The following TSHZ3 variants were observed in gnomAD, a reference collection of about 807,000 sequenced individuals.
The protein encoded by TSHZ3 is teashirt zinc finger homeobox 3.
Under a neutral mutation model 64.5 loss-of-function variants are expected in TSHZ3, and 10 were observed. That is an observed-to-expected ratio of 0.16 (90% CI 0.10 to 0.26). The LOEUF (loss-of-function observed/expected upper bound fraction) is 0.26. TSHZ3 is among the 10% of genes least tolerant of loss of function. TSHZ3 has a pLI of 1.00. For missense variants in TSHZ3, 1,242 were observed against 1,421.7 expected (o/e 0.87, Z 2.03); for synonymous variants, 608 against 593.1 (o/e 1.03, Z -0.36).
chr19:31,279,012 A>C lies in TSHZ3; in HGVS notation c.781T>G (p.Ser261Ala). Reference protein sequence around the residue: ...PKRWSKPRKRSLLEMEGKEDA... With the variant: ...PKRWSKPRKRALLEMEGKEDA... ...TCCTTCCCTTCCATTTCCAGCAAGG[A>C]GCGTTTGCGAGGCTTGGACCAGCGC... Residue 261 changes from serine to alanine, a missense_variant, in exon 2 of 2, where the codon TCC (serine) becomes GCC (alanine). Coordinates refer to ENST00000240587, the MANE Select transcript of TSHZ3 (RefSeq NM_020856.4). This position sits in a 1 kb window ranked among gnomAD's most constrained non-coding sequence, Gnocchi z 6.4. 1 of 1,613,764 alleles carries C rather than the reference A, an allele frequency of 6.2e-7. No individual in the cohort carries two copies. The highest frequency in any genetic ancestry group is 8.5e-7 in the Non-Finnish European group (1 of 1,179,790).
At chr19:31,249,310 C>CTT (rs1975802387) in intron 1 of TSHZ3, among the ~76,000 whole-genome samples, 1 of 152,306 alleles carries the variant, frequency 6.6e-6, no homozygotes, top group African/African-American at 2.4e-5. Flanking sequence ...CCACCCAACG[C>CTT]TTGAAACGCA....
intron 5 of TSHZ3, among the ~76,000 whole-genome samples, chr19:31,163,305 T>G (rs2903611): frequency 0.78 from 118,137 of 152,138 alleles, 46,675 homozygotes; most frequent in African/African-American, 0.94. Flanking sequence ...TAACACTAAG[T>G]CTGGAAAGAT....
intron 1 of TSHZ3, among the ~76,000 whole-genome samples, chr19:31,307,709 T>G (rs929347131): frequency 5.1e-4 from 78 of 152,242 alleles, no homozygotes; most frequent in African/African-American, 1.8e-3. Flanking sequence ...GCACTGACGC[T>G]TGGCTGATTT....
chr19:31,326,340 CT>C (rs1358789834), intron 1 of TSHZ3, among the ~76,000 whole-genome samples: 8 of 152,190 alleles, frequency 5.3e-5, no homozygotes, highest in African/African-American at 1.9e-4. Flanking sequence ...CTTTGATTCT[CT>C]TGAATATTGC....
rs750772153 is a variant in TSHZ3 at position 31,278,499 on chromosome 19, G to A, written c.1294C>T (p.Pro432Ser). ...TCATCCAGCAGGGTTGTGATGGTAG[G>A]TGTGACAGGCGTCTCCACAATGGGC... is the stretch of plus-strand genomic sequence containing the variant. ...GKPIVETPVT[P>S]TITTLLDEKV... The change falls in exon 2 of 2, where the codon CCT becomes TCT. Residue 432 changes from proline to serine, a missense_variant. Coordinates refer to ENST00000240587, the MANE Select transcript of TSHZ3 (RefSeq NM_020856.4). This position sits in a 1 kb window ranked among gnomAD's most constrained non-coding sequence, Gnocchi z 4.7. The A allele has an allele frequency of 6.8e-6, 11 of 1,614,024 alleles. No individual in the cohort carries two copies. Among genetic ancestry groups the A allele is most frequent in the Non-Finnish European group, 9.3e-6 (11 of 1,180,046 alleles).
At chr19:31,310,920 T>C (rs1341294158) in intron 1 of TSHZ3, among the ~76,000 whole-genome samples, 1 of 152,210 alleles carries the variant, frequency 6.6e-6, no homozygotes, top group African/African-American at 2.4e-5. Flanking sequence ...ATTCCTGCAG[T>C]GACAAGGCCA....
intron 3 of TSHZ3, among the ~76,000 whole-genome samples, chr19:31,236,137 C>T (rs1046874526): frequency 6.6e-6 from 1 of 152,134 alleles, no homozygotes; most frequent in South Asian, 2.1e-4. Context: ...GGATCTATAT[C>T]CAGAAGTGAG....
At chr19:31,204,718 C>T (rs1011273057) in intron 5 of TSHZ3, 1 of 152,276 alleles carries the variant, frequency 6.6e-6, no homozygotes, top group African/African-American at 2.4e-5. Flanking sequence ...ATGTTTCCGT[C>T]CTGAGTTGTC....
chr19:31,247,989 C>T (rs1332670890), intron 1 of TSHZ3, among the ~76,000 whole-genome samples: 2 of 152,110 alleles, frequency 1.3e-5, no homozygotes, highest in African/African-American at 4.8e-5. Flanking sequence ...CTGGGGAGGC[C>T]TCACAATCAT....
chr19:31,325,153 GCT>G (rs940606124), intron 1 of TSHZ3, among the ~76,000 whole-genome samples: 1 of 152,180 alleles, frequency 6.6e-6, no homozygotes, highest in Non-Finnish European at 1.5e-5. Flanking sequence ...TGGCCGTTGG[GCT>G]CTCTGAGCGA....
intron 3 of TSHZ3, among the ~76,000 whole-genome samples, chr19:31,237,273 T>C (rs562477011): frequency 6.6e-6 from 1 of 152,332 alleles, no homozygotes; most frequent in African/African-American, 2.4e-5. Context: ...TTAAAGTAAT[T>C]TGTCTCTTTC....
intron 4 of TSHZ3, chr19:31,207,366 GA>G (rs1975195659): frequency 6.6e-6 from 1 of 152,068 alleles, no homozygotes. Flanking sequence ...ATACCTGCTT[GA>G]TTTTTTATTA....
At chr19:31,239,872 A>G (rs1975666643) in intron 3 of TSHZ3, among the ~76,000 whole-genome samples, 1 of 152,194 alleles carries the variant, frequency 6.6e-6, no homozygotes, top group South Asian at 2.1e-4. Context: ...ATGTAATTAA[A>G]TTGACTTTTA....
At chr19:31,233,649 T>G (rs1280456400) in intron 3 of TSHZ3, among the ~76,000 whole-genome samples, 2 of 152,162 alleles carry the variant, frequency 1.3e-5, no homozygotes, top group South Asian at 4.1e-4. Flanking sequence ...CCTAGAAATA[T>G]TTGTCTACCC....
intron 1 of TSHZ3, among the ~76,000 whole-genome samples, chr19:31,300,583 G>C (rs921382082): frequency 1.3e-5 from 2 of 152,130 alleles, no homozygotes; most frequent in African/African-American, 4.8e-5. Flanking sequence ...CCCAGGTCCA[G>C]GCCTCTCTAA....
intron 1 of TSHZ3, among the ~76,000 whole-genome samples, chr19:31,285,948 T>G (rs1976454297): frequency 6.6e-6 from 1 of 152,088 alleles, no homozygotes; most frequent in Admixed American, 6.6e-5. Context: ...GAGGAGGTTC[T>G]CATTCAAACC....
At chr19:31,220,456 A>G (rs1209670094) in intron 4 of TSHZ3, among the ~76,000 whole-genome samples, 1 of 152,064 alleles carries the variant, frequency 6.6e-6, no homozygotes, top group Non-Finnish European at 1.5e-5. Flanking sequence ...CTCTCTATAT[A>G]TGTATTTTGG....
intron 4 of TSHZ3, among the ~76,000 whole-genome samples, chr19:31,215,325 G>A (rs886765157): frequency 6.6e-6 from 1 of 152,096 alleles, no homozygotes. Flanking sequence ...TAAATTAGAA[G>A]CATCTGTCCA....
chr19:31,321,857 T>G (rs1916782542), intron 1 of TSHZ3, among the ~76,000 whole-genome samples: 1 of 152,112 alleles, frequency 6.6e-6, no homozygotes, highest in Non-Finnish European at 1.5e-5. Flanking sequence ...ATACTTTAAG[T>G]TCTGGGGTAC....
Sources: allele counts gnomAD v4.1 joint callset (sites outside exome capture counted in the v4.1 genomes callset), GRCh38; gene constraint gnomAD v4.1.1; non-coding constraint Gnocchi (gnomAD v3.1); transcripts MANE v1.5; gene names NCBI Gene and HGNC (gene_info 2026-07-23, HGNC 2026-07-21).